The following TRAPPC9 variants were observed in gnomAD, a reference collection of about 807,000 sequenced individuals.
The protein encoded by TRAPPC9 is trafficking protein particle complex subunit 9.
TRAPPC9 carries 83 observed loss-of-function variants against 124.0 expected under a neutral mutation model. That is an observed-to-expected ratio of 0.67 (90% CI 0.56 to 0.80). TRAPPC9 has a LOEUF of 0.80. Among genes scored for constraint, TRAPPC9 ranks in the 30% least tolerant of loss-of-function variants. TRAPPC9 has a pLI of 0.00. For synonymous variants in TRAPPC9, 638 were observed against 617.5 expected (o/e 1.03, Z -0.49); for missense variants, 1,302 against 1,508.3 (o/e 0.86, Z 2.27).
At chr8:139,936,303 G>A (rs959596140) in intron 19 of TRAPPC9, among the ~76,000 whole-genome samples, 12 of 152,288 alleles carry the variant, frequency 7.9e-5, no homozygotes, top group African/African-American at 2.9e-4. Context: ...GAGGCAGGCA[G>A]TGCGCTTCTT....
At chr8:140,114,963 A>G (rs2060851755) in intron 17 of TRAPPC9, among the ~76,000 whole-genome samples, 1 of 152,228 alleles carries the variant, frequency 6.6e-6, no homozygotes, top group Admixed American at 6.5e-5. Context: ...GTGCTAGACC[A>G]TGGAAGGAGA....
At chr8:140,226,318 G>A (rs771376852) in intron 16 of TRAPPC9, among the ~76,000 whole-genome samples, 8 of 152,258 alleles carry the variant, frequency 5.3e-5, no homozygotes, top group Admixed American at 5.2e-4. Context: ...ATGGGCCAGC[G>A]TGGTGGCTCA....
At chr8:140,341,044 G>GGAGGAAACAACAGCA (rs2067181192) in intron 9 of TRAPPC9, among the ~76,000 whole-genome samples, 1 of 152,104 alleles carries the variant, frequency 6.6e-6, no homozygotes. Context: ...ATGTTACTGA[G>GGAGGAAACAACAGCA]GAGGAAACAA....
intron 17 of TRAPPC9, among the ~76,000 whole-genome samples, chr8:140,146,553 C>T (rs941810076): frequency 6.6e-6 from 1 of 152,112 alleles, no homozygotes; most frequent in Non-Finnish European, 1.5e-5. Context: ...CTTTATGTAT[C>T]TCCATTTTTT....
At chr8:139,738,288 C>T (rs1343996002) in intron 21 of TRAPPC9, among the ~76,000 whole-genome samples, 1 of 152,158 alleles carries the variant, frequency 6.6e-6, no homozygotes. Flanking sequence ...CTCCTGAATC[C>T]CCAGGACTTC....
rs1838421216 is a variant in TRAPPC9 at position 140,001,817 on chromosome 8, G to C, written c.2700-12981C>G. ...GTACTACCACTCTGGAAAACAGCTT[G>C]GCAGTTTCTTACAAAGTTGAATAGT... is the stretch of plus-strand genomic sequence containing the variant. On this transcript the variant is annotated intron_variant, in intron 18 of 22. Transcript: ENST00000438773. Among the ~76,000 whole-genome samples the C allele has an allele frequency of 1.3e-5, 2 of 152,150 alleles. 1 individual carries two copies. The highest frequency in any genetic ancestry group is 2.9e-5 in the Non-Finnish European group (2 of 68,026).
intron 9 of TRAPPC9, among the ~76,000 whole-genome samples, chr8:140,348,219 G>A (rs1169681162): frequency 3.9e-5 from 6 of 152,300 alleles, no homozygotes; most frequent in East Asian, 3.9e-4. Flanking sequence ...CACAAAGCAC[G>A]ATGGCAGGAC....
chr8:140,268,016 C>T (rs1354396897), intron 15 of TRAPPC9, among the ~76,000 whole-genome samples: 1 of 151,796 alleles, frequency 6.6e-6, no homozygotes, highest in Non-Finnish European at 1.5e-5. Context: ...TATCAAAGTA[C>T]AAAGAGAATC....
intron 6 of TRAPPC9, among the ~76,000 whole-genome samples, chr8:140,403,020 T>C (rs143844670): frequency 2.6e-4 from 40 of 152,364 alleles, no homozygotes; most frequent in African/African-American, 8.2e-4. Flanking sequence ...TATGTTTGCA[T>C]AGATTATCTC....
At chr8:139,956,515 C>T (rs1444333516) in intron 19 of TRAPPC9, among the ~76,000 whole-genome samples, 1 of 152,228 alleles carries the variant, frequency 6.6e-6, no homozygotes, top group Non-Finnish European at 1.5e-5. Context: ...CATAGCGTCT[C>T]CTTGATGTTG....
In TRAPPC9 at chr8:139,934,125, G is replaced by A. The variant is rs150134033; in HGVS notation, c.2811-23825C>T. 3.6e-3 allele frequency among the ~76,000 whole-genome samples: 542 copies of A among 152,282 alleles called. 3 individuals carry two copies. The highest frequency in any genetic ancestry group is 0.011 in the African/African-American group (438 of 41,558). The stretch of plus-strand genomic sequence containing the variant: ...TTTTTTGTAAAACAGGTTAAGCTAT[G>A]TGATTGCCTTCATTCATTCAACAAA... On this transcript the variant is annotated intron_variant, in intron 19 of 22. Transcript: ENST00000438773.
chr8:140,392,218 A>T (rs1213776911), intron 7 of TRAPPC9, among the ~76,000 whole-genome samples: 1 of 152,202 alleles, frequency 6.6e-6, no homozygotes, highest in East Asian at 1.9e-4. Context: ...ATGGAGCGTA[A>T]TAAACTACTT....
intron 17 of TRAPPC9, among the ~76,000 whole-genome samples, chr8:140,100,763 A>T (rs1196264319): frequency 6.6e-6 from 1 of 152,160 alleles, no homozygotes; most frequent in Non-Finnish European, 1.5e-5. Context: ...TTGTGACTGT[A>T]ATCTCACTCA....
At chr8:140,052,468 C>G (rs1196649340) in intron 17 of TRAPPC9, among the ~76,000 whole-genome samples, 3 of 152,136 alleles carry the variant, frequency 2.0e-5, no homozygotes, top group Non-Finnish European at 4.4e-5. Flanking sequence ...AAGAACCCAT[C>G]TCTACAAAAA....
At chr8:140,295,493 C>T (rs1281760574) in intron 11 of TRAPPC9, among the ~76,000 whole-genome samples, 2 of 152,180 alleles carry the variant, frequency 1.3e-5, no homozygotes, top group African/African-American at 4.8e-5. Context: ...TCGACCTTGG[C>T]ACTAAGCCTG....
intron 9 of TRAPPC9, among the ~76,000 whole-genome samples, chr8:140,323,603 T>A (rs968976277): frequency 2.6e-5 from 4 of 152,098 alleles, no homozygotes; most frequent in East Asian, 1.9e-4. Context: ...GGGGAAGAAA[T>A]CCTTAAACAC....
chr8:140,310,090 C>T (rs2066254696), intron 10 of TRAPPC9, among the ~76,000 whole-genome samples: 1 of 152,210 alleles, frequency 6.6e-6, no homozygotes, highest in African/African-American at 2.4e-5. Flanking sequence ...CTATACTTGC[C>T]TTCAAAGAAT....
intron 21 of TRAPPC9, among the ~76,000 whole-genome samples, chr8:139,865,605 A>G (rs1828473541): frequency 1.3e-5 from 2 of 152,110 alleles, no homozygotes; most frequent in Non-Finnish European, 2.9e-5. Flanking sequence ...AAAGCTATGG[A>G]GACACGGCAG....
intron 8 of TRAPPC9, among the ~76,000 whole-genome samples, chr8:140,364,916 G>A (rs1016606951): frequency 2.0e-5 from 3 of 151,468 alleles, no homozygotes; most frequent in African/African-American, 4.8e-5. Context: ...TTTAGGGCTT[G>A]TCCAGTTATT....
Sources: allele counts gnomAD v4.1 joint callset (sites outside exome capture counted in the v4.1 genomes callset), GRCh38; gene constraint gnomAD v4.1.1; transcripts MANE v1.5; gene names NCBI Gene and HGNC (gene_info 2026-07-23, HGNC 2026-07-21).